The following RBMS3 variants were observed in gnomAD, a reference collection of about 807,000 sequenced individuals.
RBMS3 encodes the protein RNA binding motif single stranded interacting protein 3.
A neutral mutation model predicts 66.8 loss-of-function variants in RBMS3; 27 were observed. That is an observed-to-expected ratio of 0.40 (90% CI 0.30 to 0.56). The LOEUF (loss-of-function observed/expected upper bound fraction) is 0.56. Among genes scored for constraint, RBMS3 ranks in the 20% least tolerant of loss-of-function variants. The pLI is 0.40. For missense variants in RBMS3, 513 were observed against 549.5 expected, an observed-to-expected ratio of 0.93 and a Z score of 0.66; for synonymous variants, 188 against 183.0, an observed-to-expected ratio of 1.03 and a Z score of -0.22.
At chr3:29,441,419 CTCTA>C (rs2041615310) in intron 2 of RBMS3, among the ~76,000 whole-genome samples, 1 of 152,080 alleles carries the variant, frequency 6.6e-6, no homozygotes, top group African/African-American at 2.4e-5. Context: ...ATGCCTCATA[CTCTA>C]CTAAGTTTTT....
chr3:29,411,823 A>T (rs1433434959), intron 1 of RBMS3, among the ~76,000 whole-genome samples: 1 of 152,226 alleles, frequency 6.6e-6, no homozygotes, highest in East Asian at 1.9e-4. Flanking sequence ...TAGCAACTGA[A>T]TTGACTGGAG....
At chr3:29,945,946 A>G (rs905524852) in intron 12 of RBMS3, among the ~76,000 whole-genome samples, 1 of 151,754 alleles carries the variant, frequency 6.6e-6, no homozygotes, top group African/African-American at 2.4e-5. Context: ...AATCACATGG[A>G]ACAGTTAAAA....
chr3:29,963,918 C>T (rs1696653932), intron 12 of RBMS3, among the ~76,000 whole-genome samples: 1 of 150,862 alleles, frequency 6.6e-6, no homozygotes, highest in Non-Finnish European at 1.5e-5. Context: ...GAAAAAGTAA[C>T]TCACACCTCC....
At chr3:29,988,020 A>T in intron 12 of RBMS3, 123 bp from the exon 13 acceptor site, 1 of 720,812 alleles carries the variant, frequency 1.4e-6, no homozygotes, top group Non-Finnish European at 2.3e-6. Flanking sequence ...GTGAAAATTG[A>T]GCTGGGAAAA....
At chr3:29,891,472 C>G (rs17553695) in intron 8 of RBMS3, among the ~76,000 whole-genome samples, 11,081 of 151,652 alleles carry the variant, frequency 0.073, 405 homozygotes, top group African/African-American at 0.093. Flanking sequence ...AATGTCCATT[C>G]TCTTAGAGCT....
chr3:29,926,561 A>T (rs554292583), intron 10 of RBMS3, among the ~76,000 whole-genome samples: 1 of 152,296 alleles, frequency 6.6e-6, no homozygotes, highest in African/African-American at 2.4e-5. Flanking sequence ...TGCCAATAGG[A>T]TCTTACAAGA....
intron 4 of RBMS3, among the ~76,000 whole-genome samples, chr3:29,711,324 T>G (rs2053158882): frequency 6.6e-6 from 1 of 152,180 alleles, no homozygotes; most frequent in Non-Finnish European, 1.5e-5. Flanking sequence ...TGTGTCCACT[T>G]TCATGTTGTT....
chr3:29,640,058 C>T (rs1257450484), intron 4 of RBMS3, among the ~76,000 whole-genome samples: 2 of 151,798 alleles, frequency 1.3e-5, no homozygotes, highest in African/African-American at 2.4e-5. Context: ...AAGAGAAAAG[C>T]CACTGCTATG....
At chr3:29,983,118 T>C (rs1698108827) in intron 12 of RBMS3, among the ~76,000 whole-genome samples, 1 of 152,226 alleles carries the variant, frequency 6.6e-6, no homozygotes, top group Non-Finnish European at 1.5e-5. Flanking sequence ...ATATTTAGGA[T>C]AATTAGCTCT....
intron 1 of RBMS3, among the ~76,000 whole-genome samples, chr3:29,339,730 A>G (rs2036172117): frequency 1.3e-5 from 2 of 152,170 alleles, no homozygotes; most frequent in Admixed American, 6.6e-5. Flanking sequence ...TATGTTATTC[A>G]CAAGTCTCAG....
In RBMS3 at chr3:29,758,867, C is replaced by T. The variant is rs1241866538; in HGVS notation, c.558-4043C>T. On this transcript the variant is annotated intron_variant, in intron 5 of 14. Coordinates refer to ENST00000383767, the MANE Select transcript of RBMS3 (RefSeq NM_001003793.3). ...AGAAATGAGGATGACTGGCTTACAA[C>T]GTTAGATACTCTAAGTTGCCAATAA... is the stretch of plus-strand genomic sequence containing the variant. 1.3e-5 allele frequency among the ~76,000 whole-genome samples: 2 copies of T among 152,140 alleles called. 1 individual carries two copies. The highest frequency in any genetic ancestry group is 4.1e-4 in the South Asian group (2 of 4,832).
At chr3:29,445,342 G>A (rs193249673) in intron 2 of RBMS3, among the ~76,000 whole-genome samples, 336 of 151,092 alleles carry the variant, frequency 2.2e-3, no homozygotes, top group Non-Finnish European at 1.6e-3. Context: ...GGAAGCCTCA[G>A]GATAACTTGA....
At chr3:29,887,786 G>A (rs2059906962) in intron 8 of RBMS3, among the ~76,000 whole-genome samples, 1 of 151,750 alleles carries the variant, frequency 6.6e-6, no homozygotes, top group Admixed American at 6.6e-5. Context: ...TGAAGTTAGG[G>A]AATGATAACT....
intron 3 of RBMS3, among the ~76,000 whole-genome samples, chr3:29,538,664 A>ACTT (rs1180217876): frequency 5.3e-5 from 8 of 152,212 alleles, no homozygotes; most frequent in Admixed American, 5.2e-4. Flanking sequence ...TCTCAGTATT[A>ACTT]CTTTTATAAA....
chr3:29,756,402 C>G (rs2149373677), intron 5 of RBMS3, among the ~76,000 whole-genome samples: 1 of 152,262 alleles, frequency 6.6e-6, no homozygotes, highest in Non-Finnish European at 1.5e-5. Context: ...CATGGACTCA[C>G]AGATCCACAT....
At chr3:29,842,157 C>T (rs2058676621) in intron 6 of RBMS3, among the ~76,000 whole-genome samples, 1 of 152,074 alleles carries the variant, frequency 6.6e-6, no homozygotes, top group South Asian at 2.1e-4. Flanking sequence ...GATTTTTGAG[C>T]ATATTATTTT....
At position 29,723,072 on chromosome 3, in the gene RBMS3, T is replaced by G. The variant is rs181279926; in HGVS notation, c.400-16648T>G. ...CTCACTGCAACCTCCGCCTCCCAGGTTCAAGTGATTCTCCTGCCTCATCCT... is the reference window on the plus strand; with the variant it reads ...CTCACTGCAACCTCCGCCTCCCAGGGTCAAGTGATTCTCCTGCCTCATCCT... On this transcript the variant is annotated intron_variant, in intron 4 of 14. Transcript: ENST00000383767. Among the ~76,000 whole-genome samples the G allele has an allele frequency of 3.2e-3, 486 of 152,128 alleles. 4 individuals carry two copies. The highest frequency in any genetic ancestry group is 0.011 in the African/African-American group (468 of 41,510).
chr3:29,677,644 G>T (rs1338893063), intron 4 of RBMS3, among the ~76,000 whole-genome samples: 1 of 152,072 alleles, frequency 6.6e-6, no homozygotes, highest in African/African-American at 2.4e-5. Flanking sequence ...CTCTGAACTT[G>T]TGGCATTTTT....
chr3:29,610,830 T>C (rs2048466793), intron 4 of RBMS3, among the ~76,000 whole-genome samples: 1 of 152,082 alleles, frequency 6.6e-6, no homozygotes, highest in Non-Finnish European at 1.5e-5. Flanking sequence ...CATTCTGGTA[T>C]AATTTTACAC....
Sources: allele counts gnomAD v4.1 joint callset (sites outside exome capture counted in the v4.1 genomes callset), GRCh38; gene constraint gnomAD v4.1.1; transcripts MANE v1.5; gene names NCBI Gene and HGNC (gene_info 2026-07-23, HGNC 2026-07-21).